Variants in COL21A1 observed in about 807,000 individuals in gnomAD.
COL21A1 encodes collagen alpha-1(XXI) chain.
In COL21A1, 149 loss-of-function variants were observed where a neutral mutation model predicts 137.9. The ratio of observed to expected loss-of-function variants is 1.08; its 90% CI spans 0.95 to 1.24. The LOEUF is 1.24. Among genes scored for constraint, COL21A1 ranks in the 50% most tolerant of loss-of-function variants. The pLI is 0.00. For synonymous variants in COL21A1, 456 were observed against 391.5 expected (o/e 1.16, Z -1.95); for missense variants, 1,167 against 1,158.4 (o/e 1.01, Z -0.11).
chr6:56,057,925 A>G, intron 29 of COL21A1, 81 bp from the exon 30 acceptor site: 2 of 956,454 alleles, frequency 2.1e-6, no homozygotes, highest in Non-Finnish European at 2.9e-6. Flanking sequence ...AGAAACTTAA[A>G]CTGAAAAAAA....
chr6:56,341,021 A>G (rs949918488), intron 1 of COL21A1, among the ~76,000 whole-genome samples: 4 of 152,216 alleles, frequency 2.6e-5, no homozygotes, highest in Non-Finnish European at 5.9e-5. Flanking sequence ...CTTCCAGGAC[A>G]TGATAGAGTC....
chr6:56,141,943 G>C lies in COL21A1; in HGVS notation c.1475C>G (p.Ser492Cys), dbSNP rs575546564. 4.5e-6 allele frequency: 7 copies of C among 1,546,536 alleles called. No individual in the cohort carries two copies. In the Admixed American group the frequency reaches 9.6e-5, roughly 21 times the overall value. ...GIAGTPGVPG[S>C]PGIQGARGLP... ...TGGATCACATACTTGTATTCCTGGA[G>C]ATCCTGGAACACCTGGTGTCCCTGC... is the stretch of plus-strand genomic sequence containing the variant. Residue 492 changes from serine to cysteine, a missense_variant, in exon 11 of 30, where the codon TCT (serine) becomes TGT (cysteine). Physicochemically the swap from Ser to Cys is moderately radical, Grantham distance 112. Coordinates refer to ENST00000244728, the MANE Select transcript of COL21A1 (RefSeq NM_030820.4).
chr6:56,193,917 G>GT (rs1193101877), intron 1 of COL21A1, among the ~76,000 whole-genome samples: 6 of 152,042 alleles, frequency 3.9e-5, no homozygotes, highest in Non-Finnish European at 7.4e-5. Context: ...ACCATGCCCA[G>GT]TTAACTTTTG....
intron 1 of COL21A1, among the ~76,000 whole-genome samples, chr6:56,374,698 G>A (rs367979065): frequency 2.1e-4 from 27 of 128,634 alleles, no homozygotes; most frequent in African/African-American, 7.9e-4. Flanking sequence ...CTCCAGCCTT[G>A]TGACAGAGTG....
At chr6:56,272,342 G>A (rs1450935891) in intron 1 of COL21A1, among the ~76,000 whole-genome samples, 1 of 152,194 alleles carries the variant, frequency 6.6e-6, no homozygotes, top group African/African-American at 2.4e-5. Flanking sequence ...AATGGAGCCT[G>A]TGGCCCTTTT....
At chr6:56,361,630 A>G (rs1428008199) in intron 1 of COL21A1, among the ~76,000 whole-genome samples, 1 of 152,188 alleles carries the variant, frequency 6.6e-6, no homozygotes, top group Non-Finnish European at 1.5e-5. Flanking sequence ...TGGCACCAAA[A>G]TGGTAATAAT....
At chr6:56,144,475 T>A (rs1389003462) in intron 10 of COL21A1, among the ~76,000 whole-genome samples, 1 of 152,218 alleles carries the variant, frequency 6.6e-6, no homozygotes, top group Admixed American at 6.5e-5. Context: ...TGGCTATTGA[T>A]CAAAATGGTT....
At chr6:56,074,899 TATA>T (rs1359925173) in intron 19 of COL21A1, among the ~76,000 whole-genome samples, 2 of 151,332 alleles carry the variant, frequency 1.3e-5, no homozygotes, top group Non-Finnish European at 3.0e-5. Context: ...CATTAGAAAA[TATA>T]ATCTCAATAT....
At chr6:56,060,596 A>G (rs1225281957) in intron 27 of COL21A1, 145 bp downstream of exon 27, 3 of 544,672 alleles carry the variant, frequency 5.5e-6, no homozygotes, top group African/African-American at 4.0e-5. Flanking sequence ...TTATAAAAAT[A>G]CTCATTGAAG....
rs1325201259 is a variant in COL21A1, at chr6:56,288,244, AAAAATAAAAG to A, written c.-38-105598_-38-105589del. On this transcript the variant is annotated intron_variant, in intron 1 of 28. Transcript: ENST00000370819. ...TCTACTCCAGCTTATTACATTTTAA[AAAAATAAAAG>A]AAAAAAAAAAGGAAATGCTGGCTAT... Among the ~76,000 whole-genome samples the A allele has an allele frequency of 4.2e-5, 5 of 118,490 alleles. 1 individual carries two copies. The highest frequency in any genetic ancestry group is 2.3e-4 in the African/African-American group (5 of 22,074). 77.7% of individuals were successfully genotyped at this position (118,490 alleles called of 152,430 possible). A position where few individuals can be genotyped will look rare whatever the true frequency, so the allele number is the denominator to read the frequency against.
At chr6:56,278,591 C>T (rs190348616) in intron 1 of COL21A1, among the ~76,000 whole-genome samples, 1 of 152,288 alleles carries the variant, frequency 6.6e-6, no homozygotes, top group East Asian at 1.9e-4. Context: ...ATAAAATAAG[C>T]ATATTTGTGC....
chr6:56,271,403 G>C (rs1158800557), intron 1 of COL21A1, among the ~76,000 whole-genome samples: 1 of 152,152 alleles, frequency 6.6e-6, no homozygotes, highest in Non-Finnish European at 1.5e-5. Context: ...GTTTTCAAGA[G>C]GTGACCTAGC....
chr6:56,242,076 T>G (rs1359009703), intron 1 of COL21A1, among the ~76,000 whole-genome samples: 2 of 152,190 alleles, frequency 1.3e-5, no homozygotes, highest in African/African-American at 4.8e-5. Flanking sequence ...CTGTTTTATC[T>G]TTAATATTCC....
chr6:56,269,302 T>C (rs1045437066), intron 1 of COL21A1, among the ~76,000 whole-genome samples: 6 of 152,090 alleles, frequency 3.9e-5, no homozygotes, highest in African/African-American at 1.4e-4. Flanking sequence ...CCAAGACACA[T>C]AGTCATCAGA....
intron 1 of COL21A1, among the ~76,000 whole-genome samples, chr6:56,360,136 G>A (rs1480880718): frequency 6.6e-6 from 1 of 152,192 alleles, no homozygotes; most frequent in East Asian, 1.9e-4. Context: ...TGATGAGAAA[G>A]CAGAAGGCTT....
chr6:56,357,605 G>A (rs537150827), intron 1 of COL21A1, among the ~76,000 whole-genome samples: 2 of 152,310 alleles, frequency 1.3e-5, no homozygotes, highest in African/African-American at 4.8e-5. Flanking sequence ...ATTGCTTCAG[G>A]ATTGTGGAGA....
intron 21 of COL21A1, among the ~76,000 whole-genome samples, chr6:56,070,398 G>A (rs17218309): frequency 0.15 from 22,840 of 151,448 alleles, 1,755 homozygotes; most frequent in Middle Eastern, 0.22. Flanking sequence ...ACTCCCATAA[G>A]CAAACAAAGA....
At chr6:56,170,546 C>A in intron 5 of COL21A1, 103 bp downstream of exon 5, 1 of 735,534 alleles carries the variant, frequency 1.4e-6, no homozygotes, top group Non-Finnish European at 2.2e-6. Context: ...AAAAATATTT[C>A]CAATCATGTT....
intron 3 of COL21A1, among the ~76,000 whole-genome samples, chr6:56,171,472 A>G (rs1036663617): frequency 6.6e-6 from 1 of 151,960 alleles, no homozygotes; most frequent in South Asian, 2.1e-4. Context: ...AAGAAAAACA[A>G]TGGAACAGGA....
Sources: gnomAD v4.1 joint callset for allele counts (sites outside exome capture counted in the v4.1 genomes callset) on GRCh38, gnomAD v4.1.1 for gene constraint, MANE v1.5 for transcripts, NCBI Gene and HGNC (gene_info 2026-07-23, HGNC 2026-07-21) for gene names.